Variants in UBE4B observed in about 807,000 individuals in gnomAD.
The protein encoded by UBE4B is ubiquitin conjugation factor E4 B.
UBE4B carries 27 observed loss-of-function variants against 148.1 expected under a neutral mutation model. The observed-to-expected ratio is 0.18, with a 90% confidence interval of 0.13 to 0.25. The LOEUF (loss-of-function observed/expected upper bound fraction) is 0.25, where lower values mean the gene tolerates loss of function less well. Ranked by LOEUF, UBE4B falls within the 10% of genes least tolerant of loss-of-function variation. UBE4B has a pLI of 1.00. For synonymous variants in UBE4B, 596 were observed against 619.3 expected, an observed-to-expected ratio of 0.96 and a Z score of 0.56; for missense variants, 1,170 against 1,662.4, an observed-to-expected ratio of 0.70 and a Z score of 5.15.
Position 10,149,188 on chromosome 1 carries a change from A to G in UBE4B, c.2596A>G (p.Thr866Ala). 1 of 1,603,866 alleles carries G rather than the reference A, an allele frequency of 6.2e-7. No homozygotes were observed. Among genetic ancestry groups the G allele is most frequent in the Non-Finnish European group, 8.5e-7 (1 of 1,177,104 alleles). Residue 866 changes from threonine to alanine, a missense_variant, in exon 20 of 28, where the codon ACA becomes GCA. Physicochemically the swap from Thr to Ala is moderately conservative, Grantham distance 58 (BLOSUM62 0). Coordinates refer to ENST00000343090, the MANE Select transcript of UBE4B (RefSeq NM_001105562.3). ...RILDPAYPDI[T>A]LPLNSDVPKV... ...TCCTTTTTTTCTCTTTGACAGTATA[A>G]CACTGCCTTTAAATTCAGATGTCCC...
intron 12 of UBE4B, 62 bp downstream of exon 12, chr1:10,129,510 T>C: frequency 3.3e-6 from 5 of 1,520,682 alleles, no homozygotes; most frequent in Non-Finnish European, 4.5e-6. Flanking sequence ...CAGAAGGCAT[T>C]CCTCTAGTGA....
intron 5 of UBE4B, among the ~76,000 whole-genome samples, chr1:10,103,403 A>C (rs72638956): frequency 0.05 from 97 of 1,946 alleles, no homozygotes; most frequent in Admixed American, 0.27. Flanking sequence ...CCTCCTCTTT[A>C]TTTATTTATT....
chr1:10,121,855 G>A, intron 9 of UBE4B, 107 bp from the exon 10 acceptor site: 1 of 636,164 alleles, frequency 1.6e-6, no homozygotes, highest in Admixed American at 2.8e-5. Context: ...ATATTTGGGA[G>A]ATGTCAAGTT....
At chr1:10,034,998 TTTG>T (rs1643448561) in intron 1 of UBE4B, among the ~76,000 whole-genome samples, 1 of 152,042 alleles carries the variant, frequency 6.6e-6, no homozygotes, top group Non-Finnish European at 1.5e-5. Flanking sequence ...TGGGTTTTTT[TTTG>T]TTTGTTTGTT....
chr1:10,125,164 A>G (rs1217214576), intron 10 of UBE4B, among the ~76,000 whole-genome samples: 1 of 152,228 alleles, frequency 6.6e-6, no homozygotes, highest in East Asian at 1.9e-4. Flanking sequence ...TATGCTTAGT[A>G]ATATTTTACC....
At chr1:10,053,795 T>C (rs1215901245) in intron 1 of UBE4B, among the ~76,000 whole-genome samples, 1 of 152,102 alleles carries the variant, frequency 6.6e-6, no homozygotes, top group Non-Finnish European at 1.5e-5. Flanking sequence ...GCTCAAGTGA[T>C]CCTCCCACCT....
chr1:10,130,405 C>A, intron 12 of UBE4B, 95 bp from the exon 13 acceptor site: 4 of 1,042,198 alleles, frequency 3.8e-6, no homozygotes, highest in Admixed American at 2.0e-5. Context: ...TTAATAATAT[C>A]TTGTGAAAAT....
At chr1:10,058,449 G>A (rs1215077902) in intron 1 of UBE4B, among the ~76,000 whole-genome samples, 1 of 152,164 alleles carries the variant, frequency 6.6e-6, no homozygotes, top group African/African-American at 2.4e-5. Context: ...GCCTCACTGA[G>A]CTGTTAGGTT....
rs1168277677 is a variant in UBE4B, at chr1:10,126,791, T to C, written c.1555-3T>C. The C allele has an allele frequency of 3.2e-5, 52 of 1,612,308 alleles. No individual in the cohort carries two copies. Among genetic ancestry groups the C allele is most frequent in the Non-Finnish European group, 4.1e-5 (48 of 1,178,712 alleles). On this transcript the variant is annotated splice_region_variant and splice_polypyrimidine_tract_variant and intron_variant, in intron 10 of 27. Transcript: ENST00000343090. Reference sequence around the variant, plus strand: ...ATTTCTGATTTTGTTTTTTTTCTTATAGATATTTATCCCCATTTTACAAGG... The same window carrying C: ...ATTTCTGATTTTGTTTTTTTTCTTACAGATATTTATCCCCATTTTACAAGG...
At chr1:10,121,442 A>G (rs1645409752) in intron 9 of UBE4B, among the ~76,000 whole-genome samples, 1 of 152,046 alleles carries the variant, frequency 6.6e-6, no homozygotes, top group Non-Finnish European at 1.5e-5. Flanking sequence ...ACAGAATCTC[A>G]CTCTGTTGTC....
chr1:10,056,619 A>G (rs1339348358), intron 1 of UBE4B, among the ~76,000 whole-genome samples: 1 of 152,234 alleles, frequency 6.6e-6, no homozygotes, highest in Non-Finnish European at 1.5e-5. Context: ...ATTTTATAAG[A>G]TAAGAAATAT....
At chr1:10,107,233 A>T (rs1188209881) in intron 7 of UBE4B, 16 of 1,289,506 alleles carry the variant, frequency 1.2e-5, no homozygotes, top group Non-Finnish European at 1.5e-5. Flanking sequence ...ATGTACGACA[A>T]TCCTTTCTCC....
chr1:10,177,347 C>G (rs1646443241), intron 25 of UBE4B, among the ~76,000 whole-genome samples: 1 of 151,994 alleles, frequency 6.6e-6, no homozygotes, highest in African/African-American at 2.4e-5. Flanking sequence ...TGGCAAAACC[C>G]TGTCTCTACT....
intron 22 of UBE4B, among the ~76,000 whole-genome samples, chr1:10,158,702 T>C (rs897065533): frequency 5.9e-5 from 9 of 151,790 alleles, no homozygotes; most frequent in African/African-American, 2.2e-4. Flanking sequence ...ACTTTGGGGG[T>C]GGTACACAAG....
chr1:10,077,348 C>T (rs576553350), intron 2 of UBE4B, among the ~76,000 whole-genome samples: 1 of 152,234 alleles, frequency 6.6e-6, no homozygotes, highest in Admixed American at 6.5e-5. Context: ...TCCAAATTTC[C>T]CTCTTATGAC....
chr1:10,074,826 C>G (rs1410765023), intron 2 of UBE4B, among the ~76,000 whole-genome samples: 1 of 152,180 alleles, frequency 6.6e-6, no homozygotes, highest in Admixed American at 6.5e-5. Context: ...TATTCTCTTA[C>G]TGTTGTCATC....
chr1:10,128,838 C>T (rs768293116), intron 11 of UBE4B: 1 of 152,372 alleles, frequency 6.6e-6, no homozygotes, highest in Non-Finnish European at 1.5e-5. Context: ...AAGTGTTTTT[C>T]ATCGTTCTCT....
rs1645697240 is a variant in UBE4B, at chr1:10,136,950, A to G, written c.2225-117A>G. 2.6e-6 allele frequency: 3 copies of G among 1,139,124 alleles called. No individual in the cohort carries two copies. In the African/African-American group the frequency reaches 4.7e-5, roughly 18 times the overall value. 70.6% of individuals were successfully genotyped at this position (1,139,124 alleles called of 1,614,324 possible). ...AAATAAATAAATAAATAAACAAATA[A>G]AAAGTATCTTTAAACTTCATAAAAA... On this transcript the variant is annotated intron_variant, in intron 16 of 27. Transcript: ENST00000343090.
chr1:10,154,842 CAA>C (rs756146634), intron 21 of UBE4B, among the ~76,000 whole-genome samples: 20 of 107,922 alleles, frequency 1.9e-4, no homozygotes, highest in Admixed American at 1.9e-4. Context: ...ATCTCCATCT[CAA>C]AAAAAAAAAA....
Sources: gnomAD v4.1 joint callset for allele counts (sites outside exome capture counted in the v4.1 genomes callset) on GRCh38, gnomAD v4.1.1 for gene constraint, MANE v1.5 for transcripts, NCBI Gene and HGNC (gene_info 2026-07-23, HGNC 2026-07-21) for gene names.